ADRA1B: variants seen among roughly 807,000 people sequenced by gnomAD.
The protein encoded by ADRA1B is alpha-1B adrenergic receptor.
ADRA1B carries 17 observed loss-of-function variants against 17.9 expected under a neutral mutation model. That is an observed-to-expected ratio of 0.95 (90% CI 0.65 to 1.42). ADRA1B has a LOEUF of 1.42. Ranked by LOEUF, ADRA1B falls within the 40% of genes most tolerant of loss-of-function variation. The pLI, the probability that ADRA1B is intolerant of heterozygous loss-of-function variation, is 0.00. For missense variants in ADRA1B, 681 were observed against 722.1 expected, an observed-to-expected ratio of 0.94 and a Z score of 0.65; for synonymous variants, 366 against 327.6, an observed-to-expected ratio of 1.12 and a Z score of -1.27.
intron 1 of ADRA1B, among the ~76,000 whole-genome samples, chr5:159,878,199 G>A (rs780163803): frequency 6.6e-6 from 1 of 152,190 alleles, no homozygotes; most frequent in Non-Finnish European, 1.5e-5. Flanking sequence ...GTCCAGAGAT[G>A]AGCAGCAGCT....
At chr5:159,958,597 C>T (rs1755609207) in intron 1 of ADRA1B, among the ~76,000 whole-genome samples, 2 of 152,150 alleles carry the variant, frequency 1.3e-5, no homozygotes, top group Non-Finnish European at 1.5e-5. Flanking sequence ...CCATATTCTT[C>T]CATAAATTTG....
chr5:159,928,416 C>T (rs1754718260), intron 1 of ADRA1B, among the ~76,000 whole-genome samples: 1 of 152,206 alleles, frequency 6.6e-6, no homozygotes, highest in Non-Finnish European at 1.5e-5. Flanking sequence ...ACCCTTTGAA[C>T]ACTCAAGTGC....
chr5:159,882,473 C>T (rs530200052), intron 1 of ADRA1B, among the ~76,000 whole-genome samples: 104 of 152,310 alleles, frequency 6.8e-4, no homozygotes, highest in African/African-American at 2.2e-3. Flanking sequence ...AACTTGCCCA[C>T]GATCAGATAG....
chr5:159,961,483 C>T (rs559465709), intron 1 of ADRA1B, among the ~76,000 whole-genome samples: 52 of 152,280 alleles, frequency 3.4e-4, no homozygotes, highest in African/African-American at 1.2e-3. Flanking sequence ...AATGGAAAAA[C>T]CTTGAAGGGA....
At chr5:159,941,400 T>C (rs1755122019) in intron 1 of ADRA1B, among the ~76,000 whole-genome samples, 1 of 152,238 alleles carries the variant, frequency 6.6e-6, no homozygotes, top group Non-Finnish European at 1.5e-5. Flanking sequence ...TGTTCTTCCT[T>C]GTTCTTGTTC....
At position 159,972,309 on chromosome 5, in the gene ADRA1B, GCC is replaced by G. The variant is rs749572568; in HGVS notation, c.1385_1386del (p.Pro462ArgfsTer92). 7.0e-7 allele frequency: 1 copy of G among 1,428,612 alleles called. No homozygotes were observed. Among genetic ancestry groups the G allele is most frequent in the South Asian group, 1.4e-5 (1 of 70,632 alleles). The allele number at this position is 1,428,612 out of a possible 1,614,324, so 88.5% of individuals were successfully genotyped here. ...CCCTCCTGAGCCTGCCCGCGCCTGA[GCC>G]CCCCGGCCGCCGCGGCCGCCACGAC... Reference protein sequence around the residue: ...GALLSLPAPEPPGRRGRHDSG... With the variant: ...GALLSLPAPEXPGRRGRHDSG... On this transcript the variant is annotated frameshift_variant, in exon 2 of 2. Transcript: ENST00000306675. LOFTEE classifies it high-confidence loss of function.
chr5:159,905,882 A>G (rs1754157089), intron 1 of ADRA1B, among the ~76,000 whole-genome samples: 1 of 150,616 alleles, frequency 6.6e-6, no homozygotes, highest in Admixed American at 6.6e-5. Flanking sequence ...TTTGAGTCAG[A>G]GTCTTGCTCT....
chr5:159,868,618 T>C (rs1330626808), intron 1 of ADRA1B: 1 of 152,246 alleles, frequency 6.6e-6, no homozygotes, highest in Non-Finnish European at 1.5e-5. Context: ...GAAAGCTTTG[T>C]GGCTAAAACT....
At chr5:159,875,960 G>A (rs1293616195) in intron 1 of ADRA1B, among the ~76,000 whole-genome samples, 2 of 152,168 alleles carry the variant, frequency 1.3e-5, no homozygotes, top group Non-Finnish European at 2.9e-5. Context: ...AGGCTGAGGT[G>A]GGCGGATCAC....
chr5:159,972,441 C>G lies in ADRA1B; in HGVS notation c.1512C>G (p.Asn504Lys), dbSNP rs1158306219. 40 of 1,493,192 alleles carry G rather than the reference C, an allele frequency of 2.7e-5. No individual in the cohort carries two copies. The highest frequency in any genetic ancestry group is 2.1e-5 in the Admixed American group (1 of 46,672). 92.5% of individuals were successfully genotyped at this position (1,493,192 alleles called of 1,614,324 possible). Residue 504 changes from asparagine (N) to lysine (K), a missense_variant, in exon 2 of 2, where the codon AAC becomes AAG. Asn to Lys is a moderately conservative substitution (Grantham distance 94). This residue lies in a region of ADRA1B where 251 missense variants were observed against 224.9 expected (regional missense o/e 1.12). Coordinates refer to ENST00000306675, the MANE Select transcript of ADRA1B (RefSeq NM_000679.4). ...GCGAGGCCGCGGCCGACGTGGCCAACGGGCAGCCGGGCTTCAAAAGCAACA... is the reference window on the plus strand; with the variant it reads ...GCGAGGCCGCGGCCGACGTGGCCAAGGGGCAGCCGGGCTTCAAAAGCAACA... ...GGCEAAADVA[N>K]GQPGFKSNMP... is the part of the protein sequence containing the mutation.
rs1382562383 is a variant in ADRA1B, at chr5:159,917,738, C to T, written c.833C>T (p.Ser278Phe). Residue 278 changes from serine to phenylalanine, a missense_variant, in exon 1 of 2, where the codon TCC becomes TTC. Transcript: ENST00000306675. ...GCCAAGGGCCACAACCCCAGGAGTT[C>T]CATAGCTGTCAAACTTTTTAAGTTC... is the stretch of plus-strand genomic sequence containing the variant. Reference protein sequence around the residue: ...TKAKGHNPRSSIAVKLFKFSR... With the variant: ...TKAKGHNPRSFIAVKLFKFSR... 6.2e-7 allele frequency: 1 copy of T among 1,613,990 alleles called. No individual in the cohort carries two copies. Among genetic ancestry groups the T allele is most frequent in the African/African-American group, 1.3e-5 (1 of 74,908 alleles).
intron 1 of ADRA1B, among the ~76,000 whole-genome samples, chr5:159,928,261 C>T (rs945588045): frequency 2.0e-5 from 3 of 152,090 alleles, no homozygotes; most frequent in African/African-American, 7.2e-5. Context: ...GCCATCTTCA[C>T]CCCACCCATC....
At chr5:159,906,705 G>A (rs1156992715) in intron 1 of ADRA1B, among the ~76,000 whole-genome samples, 1 of 152,152 alleles carries the variant, frequency 6.6e-6, no homozygotes, top group Non-Finnish European at 1.5e-5. Flanking sequence ...CCAAGAAGGG[G>A]AAAAGTGAGC....
chr5:159,988,076 A>G, the ADRA1B span, among the ~76,000 whole-genome samples: 1 of 152,128 alleles, frequency 6.6e-6, no homozygotes, highest in African/African-American at 2.4e-5. Flanking sequence ...GGTGGGCCTG[A>G]TATCACAAGG....
chr5:159,866,638 T>TA (rs1324726058), intron 1 of ADRA1B, among the ~76,000 whole-genome samples: 2 of 150,584 alleles, frequency 1.3e-5, no homozygotes, highest in Non-Finnish European at 3.0e-5. Context: ...CTTGTGCCAC[T>TA]CACAGTGTAG....
At chr5:159,879,934 T>C (rs1227683688) in intron 1 of ADRA1B, among the ~76,000 whole-genome samples, 2 of 152,088 alleles carry the variant, frequency 1.3e-5, no homozygotes, top group African/African-American at 2.4e-5. Context: ...AGGAGGAGGT[T>C]GCAGTGAACT....
intron 1 of ADRA1B, among the ~76,000 whole-genome samples, chr5:159,883,587 A>G (rs1753890617): frequency 6.6e-6 from 1 of 152,236 alleles, no homozygotes; most frequent in South Asian, 2.1e-4. Context: ...TCATATAAAC[A>G]GAATTTCTGT....
At chr5:159,900,866 A>T (rs1438312806) in intron 1 of ADRA1B, among the ~76,000 whole-genome samples, 1 of 152,232 alleles carries the variant, frequency 6.6e-6, no homozygotes, top group African/African-American at 2.4e-5. Context: ...TGAAAATTAC[A>T]TCTGCTCTCA....
At chr5:159,893,670 T>G (rs1398435488) in intron 1 of ADRA1B, among the ~76,000 whole-genome samples, 2 of 152,240 alleles carry the variant, frequency 1.3e-5, no homozygotes, top group African/African-American at 2.4e-5. Context: ...TTCTGCTGCG[T>G]GCAAGATGCT....
Sources: allele counts gnomAD v4.1 joint callset (sites outside exome capture counted in the v4.1 genomes callset), GRCh38; gene constraint gnomAD v4.1.1; regional missense constraint gnomAD v4.1.1; transcripts MANE v1.5; gene names NCBI Gene and HGNC (gene_info 2026-07-23, HGNC 2026-07-21).